Variants in ZNF804B observed in about 807,000 individuals in gnomAD.
ZNF804B encodes the protein zinc finger 804B.
Under a neutral mutation model 101.4 loss-of-function variants are expected in ZNF804B, and 80 were observed. The ratio of observed to expected loss-of-function variants is 0.79; its 90% CI spans 0.66 to 0.95. ZNF804B has a LOEUF of 0.95. Ranked by LOEUF, ZNF804B falls within the 40% of genes least tolerant of loss-of-function variation. The probability of loss-of-function intolerance (pLI) is 0.00; values close to 1 mark genes in which losing one functional copy is unlikely to be tolerated. For synonymous variants in ZNF804B, 622 were observed against 558.8 expected (o/e 1.11, Z -1.59); for missense variants, 1,673 against 1,561.9 (o/e 1.07, Z -1.20).
chr7:88,978,802 GCCTC>G (rs34013905), intron 1 of ZNF804B, among the ~76,000 whole-genome samples: 10 of 133,024 alleles, frequency 7.5e-5, no homozygotes, highest in African/African-American at 1.1e-4. Context: ...CTCCCTCCCT[GCCTC>G]CCTCCCTCCC....
intron 1 of ZNF804B, among the ~76,000 whole-genome samples, chr7:89,079,022 A>G (rs564723692): frequency 1.3e-5 from 2 of 152,160 alleles, no homozygotes; most frequent in Middle Eastern, 3.4e-3. Flanking sequence ...TTTAAAATCC[A>G]TAACTCTTTC....
At position 88,898,156 on chromosome 7, in the gene ZNF804B, G is replaced by A. The variant is rs564359764; in HGVS notation, c.108+138072G>A. Among the ~76,000 whole-genome samples the A allele has an allele frequency of 4.6e-5, 6 of 130,392 alleles. No homozygotes were observed. The East Asian group carries it at 8.1e-4, about 18-fold the overall frequency. The allele number at this position is 130,392 out of a possible 152,430, so 85.5% of individuals were successfully genotyped here. A position where few individuals can be genotyped will look rare whatever the true frequency, so the allele number is the denominator to read the frequency against. ...GGCTCTAGTGCAATGGCGGGATCTC[G>A]GCTCACTGCAAGCTCCGCCTCCCGG... On this transcript the variant is annotated intron_variant, in intron 1 of 3. Transcript: ENST00000333190.
chr7:88,953,914 A>G (rs1010046004), intron 1 of ZNF804B, among the ~76,000 whole-genome samples: 4 of 151,498 alleles, frequency 2.6e-5, no homozygotes, highest in Admixed American at 6.6e-5. Context: ...TGATCATTTT[A>G]TTTTCTTCCA....
At chr7:89,256,164 C>A (rs1323597025) in intron 2 of ZNF804B, among the ~76,000 whole-genome samples, 1 of 152,070 alleles carries the variant, frequency 6.6e-6, no homozygotes, top group African/African-American at 2.4e-5. Context: ...TATAGTAACA[C>A]TTTCACATTT....
intron 2 of ZNF804B, among the ~76,000 whole-genome samples, chr7:89,253,991 C>T (rs892887060): frequency 1.3e-5 from 2 of 151,970 alleles, no homozygotes; most frequent in Non-Finnish European, 2.9e-5. Context: ...AGGGAACTCC[C>T]CTAGCATAGT....
intron 2 of ZNF804B, among the ~76,000 whole-genome samples, chr7:89,284,646 C>T (rs1790153365): frequency 6.6e-6 from 1 of 152,098 alleles, no homozygotes; most frequent in Non-Finnish European, 1.5e-5. Context: ...CTGGAAAGTG[C>T]AACTTTTATG....
At chr7:89,220,620 A>G (rs891025282) in intron 2 of ZNF804B, among the ~76,000 whole-genome samples, 34 of 152,074 alleles carry the variant, frequency 2.2e-4, no homozygotes, top group African/African-American at 7.5e-4. Flanking sequence ...AAGTATTTCA[A>G]GATATATGGT....
chr7:89,298,247 T>TATATATACAC (rs1554391338), intron 2 of ZNF804B, among the ~76,000 whole-genome samples: 3 of 120,786 alleles, frequency 2.5e-5, no homozygotes, highest in African/African-American at 9.4e-5. Flanking sequence ...TATATATATA[T>TATATATACAC]ATATATATAT....
intron 1 of ZNF804B, among the ~76,000 whole-genome samples, chr7:88,801,443 C>T (rs562271512): frequency 6.6e-6 from 1 of 152,104 alleles, no homozygotes; most frequent in African/African-American, 2.4e-5. Context: ...AGGAAGTTGC[C>T]CTGAAGTGCA....
intron 1 of ZNF804B, among the ~76,000 whole-genome samples, chr7:88,849,682 T>A (rs913382093): frequency 6.6e-6 from 1 of 151,416 alleles, no homozygotes; most frequent in African/African-American, 2.4e-5. Flanking sequence ...AGTTACTTCT[T>A]AAAATTTAAA....
intron 1 of ZNF804B, among the ~76,000 whole-genome samples, chr7:89,007,726 GC>G (rs767247454): frequency 2.0e-5 from 3 of 149,358 alleles, no homozygotes; most frequent in East Asian, 4.0e-4. Context: ...GGAACAAAAG[GC>G]AAAATCATGA....
chr7:89,034,372 C>G (rs866856933), intron 1 of ZNF804B, among the ~76,000 whole-genome samples: 2 of 151,938 alleles, frequency 1.3e-5, no homozygotes, highest in Middle Eastern at 3.2e-3. Flanking sequence ...CATCAACCCA[C>G]AATTTCTCCT....
intron 1 of ZNF804B, among the ~76,000 whole-genome samples, chr7:89,192,354 C>A (rs577824632): frequency 1.3e-5 from 2 of 152,006 alleles, no homozygotes; most frequent in South Asian, 4.2e-4. Flanking sequence ...AAGCTAATTA[C>A]CCATCCACAG....
At chr7:88,788,112 A>T (rs1790328968) in intron 1 of ZNF804B, among the ~76,000 whole-genome samples, 1 of 152,120 alleles carries the variant, frequency 6.6e-6, no homozygotes, top group African/African-American at 2.4e-5. Flanking sequence ...GGAATGATGC[A>T]TTCATCTAGT....
chr7:89,021,675 A>G (rs985071216), intron 1 of ZNF804B, among the ~76,000 whole-genome samples: 1 of 152,086 alleles, frequency 6.6e-6, no homozygotes, highest in Non-Finnish European at 1.5e-5. Flanking sequence ...GCTGTGTAGG[A>G]CAGGAGTCAG....
At chr7:89,007,007 T>C (rs1788376698) in intron 1 of ZNF804B, among the ~76,000 whole-genome samples, 1 of 152,102 alleles carries the variant, frequency 6.6e-6, no homozygotes, top group Non-Finnish European at 1.5e-5. Flanking sequence ...AACTGTGTGC[T>C]TCTGGGCTGG....
At chr7:88,979,883 G>A (rs931802061) in intron 1 of ZNF804B, among the ~76,000 whole-genome samples, 7 of 150,974 alleles carry the variant, frequency 4.6e-5, no homozygotes, top group African/African-American at 1.5e-4. Context: ...TATAGATTTT[G>A]TAGGTGTGCT....
intron 2 of ZNF804B, among the ~76,000 whole-genome samples, chr7:89,251,195 A>G (rs1008322970): frequency 1.3e-5 from 2 of 152,206 alleles, no homozygotes; most frequent in Non-Finnish European, 2.9e-5. Flanking sequence ...ACAAAACTCT[A>G]AAGACTCTAC....
chr7:88,877,060 T>TGAAAAAAAAATATA (rs1791964185), intron 1 of ZNF804B, among the ~76,000 whole-genome samples: 1 of 68,270 alleles, frequency 1.5e-5, no homozygotes, highest in South Asian at 5.3e-4. Flanking sequence ...TTTTTTTTTT[T>TGAAAAAAAAATATA]TTTTTTTTTT....
Sources: allele counts gnomAD v4.1 joint callset (sites outside exome capture counted in the v4.1 genomes callset), GRCh38; gene constraint gnomAD v4.1.1; transcripts MANE v1.5; gene names NCBI Gene and HGNC (gene_info 2026-07-23, HGNC 2026-07-21).